AZIN2: variants seen among roughly 807,000 people sequenced by gnomAD.
AZIN2 encodes antizyme inhibitor 2.
A neutral mutation model predicts 47.8 loss-of-function variants in AZIN2; 28 were observed. The observed-to-expected ratio is 0.59, with a 90% CI of 0.43 to 0.80. AZIN2 has a LOEUF of 0.80. Among genes scored for constraint, AZIN2 ranks in the 30% least tolerant of loss-of-function variants. The probability of loss-of-function intolerance (pLI) is 0.00; values close to 1 mark genes in which losing one functional copy is unlikely to be tolerated. For missense variants in AZIN2, 535 were observed against 582.5 expected, an observed-to-expected ratio of 0.92 and a Z score of 0.84; for synonymous variants, 221 against 239.4, an observed-to-expected ratio of 0.92 and a Z score of 0.71.
chr1:33,136,920 C>T, the AZIN2 span, among the ~76,000 whole-genome samples: 19 of 151,636 alleles, frequency 1.3e-4, no homozygotes, highest in East Asian at 3.0e-3. Context: ...TTGCTTGAAC[C>T]CAGGAGGCAG....
intron 10 of AZIN2, among the ~76,000 whole-genome samples, chr1:33,110,417 A>G (rs1453782727): frequency 1.3e-5 from 2 of 152,254 alleles, no homozygotes; most frequent in Non-Finnish European, 2.9e-5. Context: ...AATAGGTAGC[A>G]GATCAGACCT....
the AZIN2 span, among the ~76,000 whole-genome samples, chr1:33,160,102 A>G: frequency 1.3e-5 from 2 of 152,114 alleles, no homozygotes; most frequent in Admixed American, 1.3e-4. Context: ...TGGTGGTAGG[A>G]AAGGATGGGC....
the AZIN2 span, chr1:33,142,636 CA>C: frequency 6.6e-6 from 1 of 152,246 alleles, no homozygotes; most frequent in African/African-American, 2.4e-5. Flanking sequence ...GCTTGGCTCA[CA>C]ATTGAGACTT....
chr1:33,133,495 A>G, the AZIN2 span, among the ~76,000 whole-genome samples: 4 of 151,996 alleles, frequency 2.6e-5, no homozygotes, highest in Non-Finnish European at 5.9e-5. Flanking sequence ...GGGGCAGGTG[A>G]CCTGGGACCA....
chr1:33,101,496 AT>A (rs35912554), intron 10 of AZIN2, among the ~76,000 whole-genome samples: 40,402 of 133,320 alleles, frequency 0.3, 5,281 homozygotes, highest in Admixed American at 0.35. Flanking sequence ...TCTGCCTGGT[AT>A]TTTTTTTTTT....
intron 5 of AZIN2, among the ~76,000 whole-genome samples, chr1:33,085,865 C>T (rs1233424003): frequency 6.6e-6 from 1 of 152,190 alleles, no homozygotes; most frequent in African/African-American, 2.4e-5. Context: ...GGTCAGCCAT[C>T]TGTGGGTAGC....
chr1:33,119,891 A>C, intron 11 of AZIN2, 153 bp from the exon 12 acceptor site: 1 of 952,072 alleles, frequency 1.1e-6, no homozygotes, highest in South Asian at 1.7e-5. Flanking sequence ...AGTAGGAAGC[A>C]GTTGGGGAGG....
chr1:33,091,993 G>T, intron 5 of AZIN2, 57 bp from the exon 6 acceptor site: 2 of 1,577,788 alleles, frequency 1.3e-6, no homozygotes, highest in East Asian at 4.5e-5. Context: ...GCTTCCTTGG[G>T]CTCCGTGGGC....
At chr1:33,102,037 G>A in intron 10 of AZIN2, 4 of 623,334 alleles carry the variant, frequency 6.4e-6, no homozygotes, top group Non-Finnish European at 5.9e-6. Flanking sequence ...GAGTGGAATG[G>A]CTGGGTATAG....
chr1:33,162,541 A>C, the AZIN2 span, among the ~76,000 whole-genome samples: 8 of 152,190 alleles, frequency 5.3e-5, no homozygotes, highest in African/African-American at 1.9e-4. Flanking sequence ...CCCATCCCAG[A>C]GCCTGGTACA....
the AZIN2 span, among the ~76,000 whole-genome samples, chr1:33,159,087 C>G: frequency 6.6e-6 from 1 of 151,894 alleles, no homozygotes; most frequent in Non-Finnish European, 1.5e-5. The surrounding 1 kb of genome is among the most constrained non-coding windows in gnomAD (Gnocchi z 4.2). Context: ...TCAGGTAATC[C>G]ACCTGCCTCG....
At chr1:33,155,646 C>G in the AZIN2 span, among the ~76,000 whole-genome samples, 2 of 152,172 alleles carry the variant, frequency 1.3e-5, no homozygotes. Context: ...GGACAAGTTC[C>G]TAACAGCTCT....
intron 5 of AZIN2, among the ~76,000 whole-genome samples, chr1:33,088,447 A>AG (rs1642180031): frequency 6.6e-6 from 1 of 152,204 alleles, no homozygotes; most frequent in Non-Finnish European, 1.5e-5. Context: ...CTATTCCCCC[A>AG]GAATCCCCTT....
At chr1:33,092,875 G>T (rs1264736605) in intron 6 of AZIN2, among the ~76,000 whole-genome samples, 3 of 152,212 alleles carry the variant, frequency 2.0e-5, no homozygotes, top group Non-Finnish European at 4.4e-5. Flanking sequence ...GGGCCTTGGG[G>T]TGAAGGGGGT....
chr1:33,085,054 C>G (rs1641731605), intron 5 of AZIN2, among the ~76,000 whole-genome samples: 1 of 152,084 alleles, frequency 6.6e-6, no homozygotes, highest in Admixed American at 6.6e-5. Flanking sequence ...TCTGTCCTTG[C>G]TAGATAAAAG....
downstream of AZIN2, among the ~76,000 whole-genome samples, chr1:33,124,591 T>C (rs548941083): frequency 1.3e-5 from 2 of 152,274 alleles, no homozygotes; most frequent in African/African-American, 2.4e-5. The surrounding 1 kb of genome is among the most constrained non-coding windows in gnomAD (Gnocchi z 4.6). Context: ...TACATATGTA[T>C]ACATGTGCCA....
the AZIN2 span, chr1:33,159,541 C>T: frequency 8.3e-7 from 1 of 1,205,566 alleles, no homozygotes; most frequent in Non-Finnish European, 1.1e-6. The surrounding 1 kb of genome is among the most constrained non-coding windows in gnomAD (Gnocchi z 4.2). Context: ...CATGCTCCTA[C>T]CCATAGCAGA....
intron 11 of AZIN2, chr1:33,118,937 T>A (rs185013572): frequency 6.6e-6 from 1 of 152,312 alleles, no homozygotes; most frequent in Non-Finnish European, 1.5e-5. Flanking sequence ...GTCAGCGTTA[T>A]CACAGAGAGG....
chr1:33,095,849 T>C (rs1278911533), intron 8 of AZIN2, among the ~76,000 whole-genome samples: 1 of 152,204 alleles, frequency 6.6e-6, no homozygotes, highest in Non-Finnish European at 1.5e-5. Flanking sequence ...GAAATAATTT[T>C]TTTTTTGAGA....
Sources: allele counts gnomAD v4.1 joint callset (sites outside exome capture counted in the v4.1 genomes callset), GRCh38; gene constraint gnomAD v4.1.1; non-coding constraint Gnocchi (gnomAD v3.1); transcripts MANE v1.5; gene names NCBI Gene and HGNC (gene_info 2026-07-23, HGNC 2026-07-21).